The following PDZRN4 variants were observed in gnomAD, a reference collection of about 807,000 sequenced individuals.
PDZRN4 encodes the protein PDZ domain containing ring finger 4, also known as PDZ domain-containing RING finger protein 4.
A neutral mutation model predicts 99.0 loss-of-function variants in PDZRN4; 70 were observed. That is an observed-to-expected ratio of 0.71 (90% confidence interval 0.58 to 0.86). PDZRN4 has a LOEUF of 0.86. Among genes scored for constraint, PDZRN4 ranks in the 40% least tolerant of loss-of-function variants. The probability of loss-of-function intolerance (pLI) is 0.00; values close to 1 mark genes in which losing one functional copy is unlikely to be tolerated. For synonymous variants in PDZRN4, 551 were observed against 501.6 expected, an observed-to-expected ratio of 1.10 and a Z score of -1.32; for missense variants, 1,474 against 1,331.2, an observed-to-expected ratio of 1.11 and a Z score of -1.67.
chr12:41,475,330 T>C (rs1352924769), intron 3 of PDZRN4, among the ~76,000 whole-genome samples: 1 of 152,190 alleles, frequency 6.6e-6, no homozygotes, highest in Non-Finnish European at 1.5e-5. Flanking sequence ...TATCTTTTCC[T>C]AATAAAATCT....
chr12:41,352,340 C>G (rs189249500), intron 3 of PDZRN4, among the ~76,000 whole-genome samples: 90 of 152,226 alleles, frequency 5.9e-4, no homozygotes, highest in African/African-American at 2.1e-3. Context: ...TTAGATGGAA[C>G]AGACTTAAGC....
intron 3 of PDZRN4, among the ~76,000 whole-genome samples, chr12:41,420,258 T>C (rs1952477967): frequency 6.6e-6 from 1 of 152,130 alleles, no homozygotes; most frequent in African/African-American, 2.4e-5. Flanking sequence ...TTTCCTCCTA[T>C]CCACTCTCAC....
At chr12:41,505,223 G>A (rs567695125) in intron 3 of PDZRN4, among the ~76,000 whole-genome samples, 2 of 152,218 alleles carry the variant, frequency 1.3e-5, no homozygotes, top group East Asian at 1.9e-4. Context: ...GTTTGCTGGT[G>A]CGTAACAGTT....
chr12:41,517,679 CTGCATCTATTTCTAGAA>C (rs984214567), intron 5 of PDZRN4, among the ~76,000 whole-genome samples: 80 of 152,196 alleles, frequency 5.3e-4, no homozygotes, highest in African/African-American at 1.9e-3. Flanking sequence ...AGTGATTGGT[CTGCATCTATTTCTAGAA>C]TGTAACTCAT....
At chr12:41,533,110 G>T (rs543883475) in intron 5 of PDZRN4, among the ~76,000 whole-genome samples, 5 of 151,428 alleles carry the variant, frequency 3.3e-5, no homozygotes, top group African/African-American at 1.2e-4. Flanking sequence ...TACAATTCAG[G>T]ATCATGAATT....
At chr12:41,470,472 A>T (rs1363636346) in intron 3 of PDZRN4, among the ~76,000 whole-genome samples, 1 of 148,394 alleles carries the variant, frequency 6.7e-6, no homozygotes, top group Non-Finnish European at 1.5e-5. Context: ...TACCTCTGTC[A>T]TTCCCTGTGG....
In PDZRN4 at chr12:41,188,759, G is replaced by C. The variant is rs747704716; in HGVS notation, c.304G>C (p.Glu102Gln). ...GCTGCACGAGCTGGAGGCGCACGTC[G>C]AGCACTGCGACTTCGGCCCTGCCCG... is the stretch of plus-strand genomic sequence containing the variant. Reference protein sequence around the residue: ...VRLHELEAHVEHCDFGPARRL... With the variant: ...VRLHELEAHVQHCDFGPARRL... Residue 102 changes from glutamate to glutamine, a missense_variant, in exon 1 of 10, where the codon GAG becomes CAG. Glu to Gln is a conservative substitution (Grantham distance 29, BLOSUM62 2). Transcript: ENST00000402685. 12 of 1,461,048 alleles carry C rather than the reference G, an allele frequency of 8.2e-6. No homozygotes were observed. In the East Asian group the frequency reaches 8.3e-5, roughly 10 times the overall value. The allele number at this position is 1,461,048 out of a possible 1,614,324, so 90.5% of individuals were successfully genotyped here.
chr12:41,548,644 G>C (rs1283945848), intron 5 of PDZRN4, among the ~76,000 whole-genome samples: 2 of 152,094 alleles, frequency 1.3e-5, no homozygotes, highest in Non-Finnish European at 2.9e-5. Context: ...TGGGCCTAAG[G>C]GTTCTTTAAA....
At chr12:41,233,297 GGA>G (rs1951041631) in intron 3 of PDZRN4, among the ~76,000 whole-genome samples, 1 of 152,130 alleles carries the variant, frequency 6.6e-6, no homozygotes, top group South Asian at 2.1e-4. Context: ...AACAGGTGCT[GGA>G]GAGGATGTGG....
intron 3 of PDZRN4, among the ~76,000 whole-genome samples, chr12:41,486,310 T>C (rs1318233438): frequency 6.6e-6 from 1 of 152,138 alleles, no homozygotes; most frequent in Non-Finnish European, 1.5e-5. Flanking sequence ...CAGGAAACAA[T>C]GTAACTTGGT....
chr12:41,371,172 A>T (rs1211589423), intron 3 of PDZRN4, among the ~76,000 whole-genome samples: 4 of 149,814 alleles, frequency 2.7e-5, no homozygotes, highest in African/African-American at 9.7e-5. Context: ...ATTATTCTAG[A>T]TTGATTTTTT....
At chr12:41,315,967 T>G (rs146662166) in intron 3 of PDZRN4, among the ~76,000 whole-genome samples, 1 of 152,094 alleles carries the variant, frequency 6.6e-6, no homozygotes, top group African/African-American at 2.4e-5. Context: ...GAGTGAACCT[T>G]GAAGCTGGTC....
At chr12:41,390,857 G>C (rs1952205884) in intron 3 of PDZRN4, among the ~76,000 whole-genome samples, 1 of 152,146 alleles carries the variant, frequency 6.6e-6, no homozygotes, top group Non-Finnish European at 1.5e-5. Context: ...AAAGAAGGAA[G>C]ATACTATGAA....
At position 41,269,870 on chromosome 12, in the gene PDZRN4, C is replaced by G. The variant is rs1951302100; in HGVS notation, c.843+75682C>G. On this transcript the variant is annotated intron_variant, in intron 3 of 9. Transcript: ENST00000402685. ...CTTGGGGAAGAAATAAAGTCAACAC[C>G]AGGTTTTAAACCATAATAAGCATTC... Among the ~76,000 whole-genome samples, 4 of 152,204 alleles carry G rather than the reference C, an allele frequency of 2.6e-5. No individual in the cohort carries two copies. In the South Asian group the frequency reaches 8.3e-4, roughly 32 times the overall value.
At chr12:41,220,411 C>A (rs1047303442) in intron 3 of PDZRN4, among the ~76,000 whole-genome samples, 1 of 152,044 alleles carries the variant, frequency 6.6e-6, no homozygotes, top group African/African-American at 2.4e-5. Flanking sequence ...TTTAAAGACC[C>A]CATGTCCAAA....
At chr12:41,559,563 G>T (rs1378657568) in intron 7 of PDZRN4, among the ~76,000 whole-genome samples, 1 of 152,078 alleles carries the variant, frequency 6.6e-6, no homozygotes, top group African/African-American at 2.4e-5. Context: ...AATATTCCAT[G>T]TAAGCCTCCT....
intron 3 of PDZRN4, among the ~76,000 whole-genome samples, chr12:41,375,809 A>G (rs1952074662): frequency 6.6e-6 from 1 of 152,076 alleles, no homozygotes; most frequent in Non-Finnish European, 1.5e-5. Flanking sequence ...CAAATTTCAA[A>G]TGTAAAATAC....
At chr12:41,442,935 A>G (rs1952692639) in intron 3 of PDZRN4, among the ~76,000 whole-genome samples, 1 of 152,056 alleles carries the variant, frequency 6.6e-6, no homozygotes, top group South Asian at 2.1e-4. Flanking sequence ...CCTATGATAA[A>G]CCTCTATTTT....
chr12:41,294,463 T>C (rs1951477171), intron 3 of PDZRN4, among the ~76,000 whole-genome samples: 1 of 152,184 alleles, frequency 6.6e-6, no homozygotes, highest in Non-Finnish European at 1.5e-5. Flanking sequence ...GATAAAAATA[T>C]AAGAAGAACA....
Sources: allele counts gnomAD v4.1 joint callset (sites outside exome capture counted in the v4.1 genomes callset), GRCh38; gene constraint gnomAD v4.1.1; transcripts MANE v1.5; gene names NCBI Gene and HGNC (gene_info 2026-07-23, HGNC 2026-07-21).